TLE4: variants seen among roughly 807,000 people sequenced by gnomAD.
The protein encoded by TLE4 is TLE family member 4, transcriptional corepressor, also known as transducin-like enhancer protein 4.
A neutral mutation model predicts 92.8 loss-of-function variants in TLE4; 8 were observed. The observed-to-expected ratio is 0.09, with a 90% CI of 0.05 to 0.16. TLE4 has a LOEUF of 0.16. Among genes scored for constraint, TLE4 ranks in the 10% least tolerant of loss-of-function variants. The pLI is 1.00. For missense variants in TLE4, 675 were observed against 997.6 expected (o/e 0.68, Z 4.36); for synonymous variants, 371 against 374.1 (o/e 0.99, Z 0.10).
chr9:79,637,549 A>G (rs2056193468), intron 6 of TLE4, among the ~76,000 whole-genome samples: 1 of 152,192 alleles, frequency 6.6e-6, no homozygotes, highest in African/African-American at 2.4e-5. Context: ...GTCCAGCCAG[A>G]GCTCAGTGTT....
At chr9:79,689,804 C>T (rs2066673961) in intron 8 of TLE4, among the ~76,000 whole-genome samples, 2 of 152,186 alleles carry the variant, frequency 1.3e-5, no homozygotes, top group South Asian at 4.1e-4. Flanking sequence ...ATAGCAATCA[C>T]AGTGGCTTGT....
chr9:79,682,153 A>T (rs958076354), intron 8 of TLE4, among the ~76,000 whole-genome samples: 12 of 152,174 alleles, frequency 7.9e-5, no homozygotes, highest in African/African-American at 2.9e-4. Flanking sequence ...ATAAATATAC[A>T]GGCTCTTTTT....
Position 79,573,670 on chromosome 9 carries a change from T to G in TLE4, c.46-19T>G. On this transcript the variant is annotated intron_variant, in intron 1 of 19. Coordinates refer to ENST00000376552, the MANE Select transcript of TLE4 (RefSeq NM_007005.6). ...GCCTGTGATGTGGGCTAATTAAATA[T>G]TTTATTGTTGTTCTTCAGGCACCGC... 1 of 1,578,874 alleles carries G rather than the reference T, an allele frequency of 6.3e-7. No individual in the cohort carries two copies. Among genetic ancestry groups the G allele is most frequent in the Non-Finnish European group, 8.7e-7 (1 of 1,154,426 alleles).
At chr9:79,623,415 T>G (rs1324990351) in intron 5 of TLE4, among the ~76,000 whole-genome samples, 1 of 152,162 alleles carries the variant, frequency 6.6e-6, no homozygotes. Flanking sequence ...TGAGCTGGTA[T>G]TATTTTAGTT....
intron 6 of TLE4, among the ~76,000 whole-genome samples, chr9:79,646,994 T>G (rs2058203334): frequency 6.6e-6 from 1 of 152,156 alleles, no homozygotes; most frequent in Non-Finnish European, 1.5e-5. Context: ...AGGTTGGTTG[T>G]TACCATTCAT....
rs2075096139 is a variant in TLE4, at chr9:79,718,980, A to C, written c.1590+9A>C. 6.2e-7 allele frequency: 1 copy of C among 1,600,598 alleles called. No homozygotes were observed. Among genetic ancestry groups the C allele is most frequent in the Non-Finnish European group, 8.5e-7 (1 of 1,170,452 alleles). ...CCCAGCTCGACTGTCTGGTGAGTGA[A>C]CATGGATGAACAAGACTTAGACTTT... is the stretch of plus-strand genomic sequence containing the variant. On this transcript the variant is annotated intron_variant, in intron 15 of 19. Transcript: ENST00000376552.
intron 2 of TLE4, 111 bp downstream of exon 2, chr9:79,573,897 T>G (rs2036791982): frequency 1.4e-6 from 1 of 715,892 alleles, no homozygotes; most frequent in African/African-American, 1.8e-5. Context: ...CACAAAGGTA[T>G]TATTTTTTTT....
chr9:79,722,959 G>A lies in TLE4; in HGVS notation c.2138G>A (p.Gly713Asp). ...CVLSLKFAHC[G>D]KWFVSTGKDN... ...CTTTTTCAAAACCCTTTACCTATAG[G>A]CAAATGGTTTGTAAGCACTGGAAAG... The change falls in exon 19 of 20, where the codon GGC becomes GAC. Residue 713 changes from glycine (G) to aspartate (D), a missense_variant and splice_region_variant. Gly to Asp is a moderately conservative substitution (Grantham distance 94). This residue lies in a region of TLE4 where 170 missense variants were observed against 359.6 expected (regional missense o/e 0.47). Coordinates refer to ENST00000376552, the MANE Select transcript of TLE4 (RefSeq NM_007005.6). 6.2e-7 allele frequency: 1 copy of A among 1,614,050 alleles called. No individual in the cohort carries two copies. Among genetic ancestry groups the A allele is most frequent in the Non-Finnish European group, 8.5e-7 (1 of 1,179,962 alleles).
At chr9:79,654,242 T>C (rs542250698) in intron 8 of TLE4, among the ~76,000 whole-genome samples, 167 bp downstream of exon 8, 2 of 152,038 alleles carry the variant, frequency 1.3e-5, no homozygotes, top group East Asian at 3.9e-4. Context: ...TTTTTTTTTT[T>C]TTTTTTAAAG....
At chr9:79,577,956 T>TA (rs1249487622) in intron 4 of TLE4, among the ~76,000 whole-genome samples, 1 of 152,214 alleles carries the variant, frequency 6.6e-6, no homozygotes, top group Admixed American at 6.5e-5. Context: ...GCCATCCATT[T>TA]AAAATTGAGA....
intron 8 of TLE4, among the ~76,000 whole-genome samples, chr9:79,660,676 T>G (rs2027005): frequency 0.57 from 86,495 of 152,134 alleles, 27,037 homozygotes; most frequent in East Asian, 0.74. Context: ...TGTTCAGTAT[T>G]AATTGATACC....
At chr9:79,587,063 C>G (rs1406792930) in intron 4 of TLE4, among the ~76,000 whole-genome samples, 1 of 152,152 alleles carries the variant, frequency 6.6e-6, no homozygotes, top group Non-Finnish European at 1.5e-5. Flanking sequence ...CTTATTCATT[C>G]TGACTATATT....
chr9:79,672,890 C>T (rs566621824), intron 8 of TLE4, among the ~76,000 whole-genome samples: 173 of 152,162 alleles, frequency 1.1e-3, no homozygotes, highest in Non-Finnish European at 2.2e-3. Flanking sequence ...CTTTCTACAG[C>T]GACAATTAGA....
intron 8 of TLE4, among the ~76,000 whole-genome samples, chr9:79,661,726 A>G (rs1313586600): frequency 6.6e-6 from 1 of 152,256 alleles, no homozygotes; most frequent in Non-Finnish European, 1.5e-5. Flanking sequence ...TTGAATCTAA[A>G]TATTGAATAA....
chr9:79,633,201 T>G (rs1215862253), intron 6 of TLE4, among the ~76,000 whole-genome samples: 1 of 152,160 alleles, frequency 6.6e-6, no homozygotes, highest in Non-Finnish European at 1.5e-5. Flanking sequence ...ATTTAAGTAA[T>G]TTAAAAACTC....
At chr9:79,719,647 G>A (rs987514492) in intron 15 of TLE4, among the ~76,000 whole-genome samples, 1 of 152,154 alleles carries the variant, frequency 6.6e-6, no homozygotes, top group Non-Finnish European at 1.5e-5. Context: ...GACATCAGTA[G>A]CAGGACCTTT....
intron 5 of TLE4, among the ~76,000 whole-genome samples, chr9:79,618,365 T>C (rs1174895262): frequency 1.3e-5 from 2 of 152,214 alleles, no homozygotes; most frequent in Non-Finnish European, 2.9e-5. Context: ...TTCCTTACCA[T>C]TCGAATGTTG....
At chr9:79,659,839 C>G (rs1415826745) in intron 8 of TLE4, among the ~76,000 whole-genome samples, 2 of 152,090 alleles carry the variant, frequency 1.3e-5, no homozygotes, top group African/African-American at 4.8e-5. Context: ...AAAAGCCTAT[C>G]TTGAGCAATA....
At chr9:79,710,817 A>C (rs191637043) in intron 14 of TLE4, among the ~76,000 whole-genome samples, 16 of 152,150 alleles carry the variant, frequency 1.1e-4, no homozygotes, top group African/African-American at 3.9e-4. Context: ...CCTCTTGACT[A>C]TAAGTTCCAT....
Sources: gnomAD v4.1 joint callset for allele counts (sites outside exome capture counted in the v4.1 genomes callset) on GRCh38, gnomAD v4.1.1 for gene constraint, gnomAD v4.1.1 regional missense constraint, MANE v1.5 for transcripts, NCBI Gene and HGNC (gene_info 2026-07-23, HGNC 2026-07-21) for gene names.